XDH: variants seen among roughly 807,000 people sequenced by gnomAD.
XDH encodes xanthine dehydrogenase/oxidase.
A neutral mutation model predicts 156.1 loss-of-function variants in XDH; 138 were observed. The ratio of observed to expected loss-of-function variants is 0.88; its 90% CI spans 0.77 to 1.02. The LOEUF (loss-of-function observed/expected upper bound fraction) is 1.02. Ranked by LOEUF, XDH falls within the 50% of genes least tolerant of loss-of-function variation. XDH has a pLI of 0.00. For missense variants in XDH, 1,849 were observed against 1,684.9 expected (o/e 1.10, Z -1.71); for synonymous variants, 669 against 625.7 (o/e 1.07, Z -1.03).
chr2:31,365,323 T>G, intron 23 of XDH, 134 bp downstream of exon 23: 1 of 918,228 alleles, frequency 1.1e-6, no homozygotes, highest in Non-Finnish European at 1.8e-6. Context: ...GAATTTCTCT[T>G]CTTGCTATAT....
chr2:31,397,820 C>T, intron 5 of XDH, 91 bp from the exon 6 acceptor site: 16 of 1,432,590 alleles, frequency 1.1e-5, no homozygotes, highest in Non-Finnish European at 1.5e-5. Context: ...GTTGGGTGCT[C>T]TCTTTACCAG....
intron 26 of XDH, 91 bp downstream of exon 26, chr2:31,349,595 T>G: frequency 6.5e-7 from 1 of 1,538,894 alleles, no homozygotes; most frequent in South Asian, 1.1e-5. Context: ...AAGTTATCCA[T>G]TGAATTATTA....
Position 31,370,371 on chromosome 2 carries a change from ACTGT to A in XDH, c.1960_1963del (p.Thr654SerfsTer32). 1 of 1,614,246 alleles carries A rather than the reference ACTGT, an allele frequency of 6.2e-7. No individual in the cohort carries two copies. The highest frequency in any genetic ancestry group is 1.3e-5 in the African/African-American group (1 of 75,074). ...AAGACTTACCTTATCCTTCGCAAAGACTGTCTCATCATTACAAATTCCAGTTATG... is the reference window on the plus strand; with the variant it reads ...AAGACTTACCTTATCCTTCGCAAAGACTCATCATTACAAATTCCAGTTATG... On this transcript the variant is annotated frameshift_variant, in exon 18 of 36. Coordinates refer to ENST00000379416, the MANE Select transcript of XDH (RefSeq NM_000379.4). LOFTEE classifies it high-confidence loss of function.
In XDH at chr2:31,386,556, C is replaced by T; in HGVS notation, c.652-1G>A. 3 of 1,614,160 alleles carry T rather than the reference C, an allele frequency of 1.9e-6. No individual in the cohort carries two copies. The highest frequency in any genetic ancestry group is 2.5e-6 in the Non-Finnish European group (3 of 1,180,026). Reference sequence around the variant, plus strand: ...GCTTCCGAGGAGTGTCTTTCAGCCTCTGGGAAATGCAGTTTTCTTACTACA... The same window carrying T: ...GCTTCCGAGGAGTGTCTTTCAGCCTTTGGGAAATGCAGTTTTCTTACTACA... On this transcript the variant is annotated splice_acceptor_variant, in intron 8 of 35. Transcript: ENST00000379416. LOFTEE classifies it high-confidence loss of function.
At position 31,368,654 on chromosome 2, in the gene XDH, AAGTAACCT is replaced by A. The variant is rs1685988515; in HGVS notation, c.1981-2_1986del. ...ACAGCACCAATGATATGCCCAACAC[AAGTAACCT>A]AGTAGCAGAGACAGACTGTTAAAGA... On this transcript the variant is annotated splice_acceptor_variant and coding_sequence_variant, in exon 19 of 36. Transcript: ENST00000379416. LOFTEE classifies it high-confidence loss of function. 3 of 1,614,170 alleles carry A rather than the reference AAGTAACCT, an allele frequency of 1.9e-6. No individual in the cohort carries two copies. Among genetic ancestry groups the A allele is most frequent in the Non-Finnish European group, 2.5e-6 (3 of 1,180,022 alleles).
chr2:31,403,516 A>G (rs896746091), intron 2 of XDH, among the ~76,000 whole-genome samples: 1 of 152,144 alleles, frequency 6.6e-6, no homozygotes, highest in Non-Finnish European at 1.5e-5. Flanking sequence ...CAGTTCTCAC[A>G]TCACTCCCAG....
At position 31,406,071 on chromosome 2, in the gene XDH, G is replaced by A. The variant is rs1437596800; in HGVS notation, c.43-107C>T. On this transcript the variant is annotated intron_variant, in intron 1 of 35. Transcript: ENST00000379416. Reference sequence around the variant, plus strand: ...ACTCAATAATTTGTAGAGTTAGTAGGAAGTGTGATATAGTTTGCACTCTGC... The same window carrying A: ...ACTCAATAATTTGTAGAGTTAGTAGAAAGTGTGATATAGTTTGCACTCTGC... 9.3e-6 allele frequency: 12 copies of A among 1,288,618 alleles called. No individual in the cohort carries two copies. In the South Asian group the frequency reaches 1.1e-4, roughly 12 times the overall value. 79.8% of individuals were successfully genotyped at this position (1,288,618 alleles called of 1,614,324 possible). A position where few individuals can be genotyped will look rare whatever the true frequency, so the allele number is the denominator to read the frequency against.
chr2:31,347,839 T>C (rs953113598), intron 28 of XDH, among the ~76,000 whole-genome samples, 189 bp from the exon 29 acceptor site: 12 of 152,224 alleles, frequency 7.9e-5, no homozygotes, highest in Non-Finnish European at 1.6e-4. Context: ...TTCGGTTGGA[T>C]AAAAAATTCA....
Position 31,383,647 on chromosome 2 carries a change from G to A in XDH, c.886+108C>T. On this transcript the variant is annotated intron_variant, in intron 10 of 35. Transcript: ENST00000379416. Reference sequence around the variant, plus strand: ...GCAAGGTGAGCCCCAGGAGAAGCAGGGGGCAGCCAGAGCCAGTGGGGAGAC... The same window carrying A: ...GCAAGGTGAGCCCCAGGAGAAGCAGAGGGCAGCCAGAGCCAGTGGGGAGAC... The A allele has an allele frequency of 5.8e-6, 6 of 1,029,966 alleles. No individual in the cohort carries two copies. In the South Asian group the frequency reaches 6.8e-5, roughly 12 times the overall value. 63.8% of individuals were successfully genotyped at this position (1,029,966 alleles called of 1,614,324 possible).
At chr2:31,351,306 A>G (rs1312524717) in intron 24 of XDH, among the ~76,000 whole-genome samples, 1 of 151,952 alleles carries the variant, frequency 6.6e-6, no homozygotes. Context: ...CATCTGCTTC[A>G]TTTTGTATGT....
intron 31 of XDH, among the ~76,000 whole-genome samples, chr2:31,342,869 C>T (rs768018459): frequency 6.6e-6 from 1 of 152,122 alleles, no homozygotes; most frequent in Non-Finnish European, 1.5e-5. Context: ...CAAATGCTCC[C>T]TTATACATTT....
intron 24 of XDH, among the ~76,000 whole-genome samples, chr2:31,350,717 C>T (rs1685452770): frequency 6.6e-6 from 1 of 152,178 alleles, no homozygotes; most frequent in Admixed American, 6.5e-5. Flanking sequence ...CCTCATTCAG[C>T]AACTCTGTGG....
At chr2:31,391,241 C>T (rs1350383112) in intron 6 of XDH, among the ~76,000 whole-genome samples, 2 of 152,276 alleles carry the variant, frequency 1.3e-5, no homozygotes, top group East Asian at 1.9e-4. Context: ...TTTGCTCCAT[C>T]GTATCGCCTT....
chr2:31,364,571 C>T lies in XDH; in HGVS notation c.2545-327G>A, dbSNP rs186053457. 6.2e-3 allele frequency among the ~76,000 whole-genome samples: 941 copies of T among 151,786 alleles called. 10 individuals carry two copies. Among genetic ancestry groups the T allele is most frequent in the Non-Finnish European group, 0.011 (738 of 67,932 alleles). Reference sequence around the variant, plus strand: ...AAAGAGAAGGCTGGTCACGATAGGGCGGGGGGGAAGCGCAGGGAAGAGAAA... The same window carrying T: ...AAAGAGAAGGCTGGTCACGATAGGGTGGGGGGGAAGCGCAGGGAAGAGAAA... On this transcript the variant is annotated intron_variant, in intron 23 of 35. Coordinates refer to ENST00000379416, the MANE Select transcript of XDH (RefSeq NM_000379.4).
intron 16 of XDH, among the ~76,000 whole-genome samples, chr2:31,372,771 G>A (rs1444751006): frequency 6.6e-6 from 1 of 152,114 alleles, no homozygotes; most frequent in Non-Finnish European, 1.5e-5. Context: ...ATTTGTGTTT[G>A]TGTTTGACAA....
chr2:31,367,113 G>T, intron 20 of XDH, 119 bp from the exon 21 acceptor site: 1 of 1,532,390 alleles, frequency 6.5e-7, no homozygotes, highest in Non-Finnish European at 8.9e-7. Flanking sequence ...TACCTGAGGG[G>T]TAACCTCAAG....
intron 2 of XDH, among the ~76,000 whole-genome samples, chr2:31,404,438 A>T (rs1280668921): frequency 2.0e-5 from 3 of 152,200 alleles, no homozygotes; most frequent in Admixed American, 1.3e-4. Context: ...TGGAACTCCC[A>T]TAAATTGACT....
rs562922598 is a variant in XDH at position 31,403,527 on chromosome 2, C to G, written c.101-383G>C. On this transcript the variant is annotated intron_variant, in intron 2 of 35. Transcript: ENST00000379416. Reference sequence around the variant, plus strand: ...GGGGCAGTTCTCACATCACTCCCAGCTGGGCACACCATGAAGCCACTTGGG... The same window carrying G: ...GGGGCAGTTCTCACATCACTCCCAGGTGGGCACACCATGAAGCCACTTGGG... 5.9e-5 allele frequency among the ~76,000 whole-genome samples: 9 copies of G among 152,310 alleles called. No individual in the cohort carries two copies. In the South Asian group the frequency reaches 1.9e-3, roughly 32 times the overall value.
chr2:31,355,244 G>A (rs918956279), intron 24 of XDH, among the ~76,000 whole-genome samples: 1 of 152,096 alleles, frequency 6.6e-6, no homozygotes, highest in African/African-American at 2.4e-5. Context: ...CTAAGAAAAT[G>A]TGTCCCCAGC....
Sources: allele counts gnomAD v4.1 joint callset (sites outside exome capture counted in the v4.1 genomes callset), GRCh38; gene constraint gnomAD v4.1.1; transcripts MANE v1.5; gene names NCBI Gene and HGNC (gene_info 2026-07-23, HGNC 2026-07-21).